LINGO2: variants seen among roughly 807,000 people sequenced by gnomAD.
LINGO2 encodes the protein leucine-rich repeat and immunoglobulin-like domain-containing nogo receptor-interacting protein 2.
LINGO2 carries 14 observed loss-of-function variants against 30.6 expected under a neutral mutation model. That is an observed-to-expected ratio of 0.46 (90% confidence interval 0.30 to 0.72). LINGO2 has a LOEUF of 0.72. Ranked by LOEUF, LINGO2 falls within the 30% of genes least tolerant of loss-of-function variation. The pLI is 0.07. For missense variants in LINGO2, 729 were observed against 751.7 expected, an observed-to-expected ratio of 0.97 and a Z score of 0.35; for synonymous variants, 317 against 288.5, an observed-to-expected ratio of 1.10 and a Z score of -1.00.
intron 3 of LINGO2, among the ~76,000 whole-genome samples, chr9:28,365,733 A>G (rs1013749395): frequency 2.7e-5 from 4 of 149,848 alleles, no homozygotes; most frequent in African/African-American, 9.8e-5. Context: ...TGGGGACAAG[A>G]GCTAGGAGGT....
At chr9:28,594,995 A>G (rs1825106302) in intron 1 of LINGO2, among the ~76,000 whole-genome samples, 1 of 152,108 alleles carries the variant, frequency 6.6e-6, no homozygotes, top group Admixed American at 6.6e-5. Context: ...AAGTAATTCT[A>G]TGAGTAAATT....
chr9:28,639,263 G>A (rs1418815311), intron 1 of LINGO2, among the ~76,000 whole-genome samples: 1 of 152,152 alleles, frequency 6.6e-6, no homozygotes, highest in Non-Finnish European at 1.5e-5. Context: ...TTTGGAATAG[G>A]TGTGGTGTGG....
the LINGO2 span, among the ~76,000 whole-genome samples, chr9:29,189,019 C>A: frequency 2.8e-5 from 4 of 142,026 alleles, no homozygotes; most frequent in East Asian, 2.2e-4. Context: ...CTGACCCCCC[C>A]ACCTACCTCC....
At chr9:28,299,523 T>A (rs1824056365) in intron 3 of LINGO2, among the ~76,000 whole-genome samples, 1 of 152,134 alleles carries the variant, frequency 6.6e-6, no homozygotes, top group African/African-American at 2.4e-5. Flanking sequence ...CATTAACAAC[T>A]ACCACTAATA....
At chr9:28,956,039 T>A in the LINGO2 span, among the ~76,000 whole-genome samples, 1 of 151,344 alleles carries the variant, frequency 6.6e-6, no homozygotes, top group Admixed American at 6.6e-5. Flanking sequence ...TGTAAGTAAA[T>A]GGAAACAGGT....
At chr9:28,069,413 C>G (rs982589120) in intron 4 of LINGO2, among the ~76,000 whole-genome samples, 1 of 152,110 alleles carries the variant, frequency 6.6e-6, no homozygotes, top group Admixed American at 6.6e-5. Flanking sequence ...GTCTATGGAG[C>G]TATTATGGGA....
chr9:28,465,870 C>T (rs918566848), intron 2 of LINGO2, among the ~76,000 whole-genome samples: 20 of 152,062 alleles, frequency 1.3e-4, no homozygotes, highest in African/African-American at 4.8e-4. Context: ...TACTCAACAT[C>T]GCTGATCATC....
chr9:28,650,131 T>C (rs1292083155), intron 1 of LINGO2, among the ~76,000 whole-genome samples: 5 of 151,936 alleles, frequency 3.3e-5, no homozygotes, highest in Non-Finnish European at 7.4e-5. Flanking sequence ...AATATTACTA[T>C]ATTAAGAAAT....
chr9:28,565,590 C>A (rs1040176380), intron 1 of LINGO2, among the ~76,000 whole-genome samples: 1 of 151,416 alleles, frequency 6.6e-6, no homozygotes, highest in Non-Finnish European at 1.5e-5. Context: ...CTCGCTCTGT[C>A]GCCCAGGCTG....
At chr9:28,511,186 G>A (rs116961907) in intron 1 of LINGO2, among the ~76,000 whole-genome samples, 1,569 of 152,228 alleles carry the variant, frequency 0.01, 13 homozygotes, top group Admixed American at 0.018. Flanking sequence ...AAGTCCACCC[G>A]TTGTCAAATT....
chr9:28,874,450 G>C, the LINGO2 span, among the ~76,000 whole-genome samples: 2 of 152,000 alleles, frequency 1.3e-5, no homozygotes, highest in African/African-American at 2.4e-5. Context: ...CTGTTTTTAA[G>C]TGTATTACAT....
the LINGO2 span, among the ~76,000 whole-genome samples, chr9:28,688,577 G>A: frequency 6.6e-6 from 1 of 152,102 alleles, no homozygotes; most frequent in Admixed American, 6.6e-5. Context: ...GAAGAATGCA[G>A]GTGTATCTGC....
chr9:29,051,193 T>C, the LINGO2 span, among the ~76,000 whole-genome samples: 9 of 152,178 alleles, frequency 5.9e-5, no homozygotes. Context: ...CATGGTGTTA[T>C]ACATTCTACG....
chr9:28,686,849 C>A, the LINGO2 span, among the ~76,000 whole-genome samples: 15,365 of 151,980 alleles, frequency 0.1, 1,010 homozygotes, highest in East Asian at 0.2. Context: ...AGTATTTAAA[C>A]GCCCATGGCC....
At chr9:28,746,556 G>A in the LINGO2 span, among the ~76,000 whole-genome samples, 2 of 151,952 alleles carry the variant, frequency 1.3e-5, no homozygotes, top group Admixed American at 1.3e-4. Context: ...GACAATCTCA[G>A]CTTTTCCAGG....
intron 4 of LINGO2, among the ~76,000 whole-genome samples, chr9:28,040,937 A>C (rs1824171362): frequency 6.6e-6 from 1 of 152,212 alleles, no homozygotes; most frequent in Non-Finnish European, 1.5e-5. Context: ...TATAGTATAT[A>C]TTCTACCCAG....
intron 4 of LINGO2, among the ~76,000 whole-genome samples, chr9:28,228,864 T>A (rs1821261065): frequency 6.6e-6 from 1 of 151,812 alleles, no homozygotes; most frequent in Non-Finnish European, 1.5e-5. Context: ...GAAGACCTTA[T>A]TTTTACATAA....
intron 4 of LINGO2, among the ~76,000 whole-genome samples, chr9:28,127,141 T>C (rs141202751): frequency 2.0e-5 from 3 of 152,286 alleles, no homozygotes; most frequent in Admixed American, 6.5e-5. Flanking sequence ...ATTTCTTCCT[T>C]CTCTGTACTT....
At chr9:29,132,647 G>T in the LINGO2 span, among the ~76,000 whole-genome samples, 1 of 152,066 alleles carries the variant, frequency 6.6e-6, no homozygotes, top group African/African-American at 2.4e-5. Flanking sequence ...ATAAATCTGT[G>T]CTTTCCTTGC....
Sources: gnomAD v4.1 joint callset for allele counts (sites outside exome capture counted in the v4.1 genomes callset) on GRCh38, gnomAD v4.1.1 for gene constraint, MANE v1.5 for transcripts, NCBI Gene and HGNC (gene_info 2026-07-23, HGNC 2026-07-21) for gene names.